CEP250: variants seen among roughly 807,000 people sequenced by gnomAD.
CEP250 encodes the protein centrosomal protein 250.
Under a neutral mutation model 315.7 loss-of-function variants are expected in CEP250, and 242 were observed. That is an observed-to-expected ratio of 0.77 (90% CI 0.69 to 0.85). CEP250 has a LOEUF of 0.85. CEP250 is among the 40% of genes least tolerant of loss of function. The pLI, the probability that CEP250 is intolerant of heterozygous loss-of-function variation, is 0.00. For missense variants in CEP250, 2,515 were observed against 2,886.4 expected, an observed-to-expected ratio of 0.87 and a Z score of 2.95; for synonymous variants, 1,088 against 1,175.0, an observed-to-expected ratio of 0.93 and a Z score of 1.51.
rs747589645 is a variant in CEP250 at position 35,511,489 on chromosome 20, G to A, written c.7192G>A (p.Val2398Met). Residue 2398 changes from valine to methionine, a missense_variant, in exon 35 of 35, where the codon GTG becomes ATG. Coordinates refer to ENST00000397527, the MANE Select transcript of CEP250 (RefSeq NM_007186.6). ...HHSLSHSLLAVAQAPEATVLE... is the reference protein window; with the variant it reads ...HHSLSHSLLAMAQAPEATVLE... ...CAGCCTCTCACACTCACTTCTTGCC[G>A]TGGCCCAGGCCCCTGAGGCCACTGT... 13 of 1,614,134 alleles carry A rather than the reference G, an allele frequency of 8.1e-6. No homozygotes were observed. The highest frequency in any genetic ancestry group is 6.7e-5 in the Admixed American group (4 of 60,024).
In CEP250 at chr20:35,518,141, T is replaced by C. The variant is rs1026332386; in HGVS notation, c.*6515T>C. 2.0e-5 allele frequency: 3 copies of C among 151,752 alleles called. No homozygotes were observed. Among genetic ancestry groups the C allele is most frequent in the African/African-American group, 4.8e-5 (2 of 41,386 alleles). The allele number at this position is 151,752 out of a possible 1,614,324, so 9.4% of individuals were successfully genotyped here. A position where few individuals can be genotyped will look rare whatever the true frequency, so the allele number is the denominator to read the frequency against. ...CTTCAGAGGCAGCGGGTTTTGTTTT[T>C]TTTTTAACTATGTTTTTCTACTGGC... is the stretch of plus-strand genomic sequence containing the variant. On this transcript the variant is annotated 3_prime_UTR_variant, in exon 35 of 35. Transcript: ENST00000397527.
chr20:35,475,535 G>A lies in CEP250; in HGVS notation c.1605G>A (p.Gln535=), dbSNP rs772767083. ...TGCTGATGGGCCTGGAAGCCAAACA[G>A]TCAGAATCACTCAGTGAACTGATCA... ...QEMLMGLEAK[Q]SESLSELITL... is the part of the protein sequence containing the mutation. The change falls in exon 15 of 35, where the codon CAG becomes CAA. Residue 535 remains glutamine (Q), a synonymous_variant. Coordinates refer to ENST00000397527, the MANE Select transcript of CEP250 (RefSeq NM_007186.6). 2 of 1,614,112 alleles carry A rather than the reference G, an allele frequency of 1.2e-6. No individual in the cohort carries two copies. The highest frequency in any genetic ancestry group is 8.5e-7 in the Non-Finnish European group (1 of 1,179,974).
In CEP250 at chr20:35,514,130, G is replaced by GGAAT. The variant is rs1485531217; in HGVS notation, c.*2505_*2508dup. The GGAAT allele has an allele frequency of 1.3e-5, 2 of 152,310 alleles. No homozygotes were observed. The highest frequency in any genetic ancestry group is 4.8e-5 in the African/African-American group (2 of 41,472). 9.4% of individuals were successfully genotyped at this position (152,310 alleles called of 1,614,324 possible). A position where few individuals can be genotyped will look rare whatever the true frequency, so the allele number is the denominator to read the frequency against. ...CCTGAAGTGGGGAAGTGTGAAGGAA[G>GGAAT]GAATATGTGTCATCCAGGGGGGACC... On this transcript the variant is annotated 3_prime_UTR_variant, in exon 35 of 35. Transcript: ENST00000397527.
At position 35,497,918 on chromosome 20, in the gene CEP250, A is replaced by C. The variant is rs746143928; in HGVS notation, c.3506A>C (p.Glu1169Ala). 7 of 1,610,740 alleles carry C rather than the reference A, an allele frequency of 4.3e-6. No homozygotes were observed. The highest frequency in any genetic ancestry group is 5.9e-6 in the Non-Finnish European group (7 of 1,178,736). The part of the protein sequence containing the change: ...TESQLEALAA[E>A]QQPGNQAQAQ... ...AGCCAGCTAGAAGCGCTGGCCGCAGAGCAGCAGCCCGGGAACCAGGCCCAG... is the reference window on the plus strand; with the variant it reads ...AGCCAGCTAGAAGCGCTGGCCGCAGCGCAGCAGCCCGGGAACCAGGCCCAG... The change falls in exon 26 of 35, where the codon GAG becomes GCG. Residue 1169 changes from glutamate (E) to alanine (A), a missense_variant. Glu to Ala is a moderately radical substitution (Grantham distance 107). Transcript: ENST00000397527.
Position 35,475,741 on chromosome 20 carries a change from C to G in CEP250, c.1716+95C>G, listed in dbSNP as rs1344675543. 4.6e-6 allele frequency: 6 copies of G among 1,309,042 alleles called. No homozygotes were observed. In the Admixed American group the frequency reaches 1.2e-4, roughly 26 times the overall value. 81.1% of individuals were successfully genotyped at this position (1,309,042 alleles called of 1,614,324 possible). On this transcript the variant is annotated intron_variant, in intron 15 of 34. Coordinates refer to ENST00000397527, the MANE Select transcript of CEP250 (RefSeq NM_007186.6). ...ATTCTTCACCTTCAAGCCAGGATCC[C>G]TCATCTTTCCTCAATCATTAGTCTG...
In CEP250 at chr20:35,455,621, G is replaced by A. The variant is rs1230024629; in HGVS notation, c.-428G>A. The A allele has an allele frequency of 6.6e-6, 1 of 152,120 alleles. No homozygotes were observed. The highest frequency in any genetic ancestry group is 1.5e-5 in the Non-Finnish European group (1 of 68,080). 9.4% of individuals were successfully genotyped at this position (152,120 alleles called of 1,614,324 possible). A position where few individuals can be genotyped will look rare whatever the true frequency, so the allele number is the denominator to read the frequency against. On this transcript the variant is annotated 5_prime_UTR_variant, in exon 1 of 35. Transcript: ENST00000397527. The stretch of plus-strand genomic sequence containing the variant: ...CCAGTCCCACCCGCCACCCGACTCT[G>A]GAGCTCCCATTCTTCAGGACCCTGC...
At chr20:35,479,095 C>T (rs568909209) in intron 17 of CEP250, 136 bp from the exon 18 acceptor site, 547 of 765,756 alleles carry the variant, frequency 7.1e-4, no homozygotes, top group Non-Finnish European at 1.0e-3. Flanking sequence ...ATAAATGCCA[C>T]GTGCTATTGG....
rs1452010004 is a variant in CEP250 at position 35,516,116 on chromosome 20, G to C, written c.*4490G>C. ...GGATGGGCTTGGAGGTAAAATAATT[G>C]AATGGGTCAGGGGTAGGAGGAGAGA... On this transcript the variant is annotated 3_prime_UTR_variant, in exon 35 of 35. Coordinates refer to ENST00000397527, the MANE Select transcript of CEP250 (RefSeq NM_007186.6). 6.6e-6 allele frequency: 1 copy of C among 152,324 alleles called. No individual in the cohort carries two copies. The highest frequency in any genetic ancestry group is 1.9e-4 in the East Asian group (1 of 5,194). The allele number at this position is 152,324 out of a possible 1,614,324, so 9.4% of individuals were successfully genotyped here.
intron 20 of CEP250, among the ~76,000 whole-genome samples, chr20:35,485,954 C>T (rs916107925): frequency 1.1e-4 from 17 of 150,950 alleles, no homozygotes; most frequent in African/African-American, 3.6e-4. Flanking sequence ...TGAGCCACCA[C>T]GCCCAGCCAC....
chr20:35,510,247 C>A (rs2064316379), intron 34 of CEP250, among the ~76,000 whole-genome samples, 193 bp downstream of exon 34: 1 of 152,170 alleles, frequency 6.6e-6, no homozygotes, highest in South Asian at 2.1e-4. Flanking sequence ...ATCCTGGCCC[C>A]CGACTTCCAA....
rs543940035 is a variant in CEP250, at chr20:35,516,745, G to C, written c.*5119G>C. ...AGAAGAGACCCACTGGCTGCTCTCA[G>C]TGAGGCCAGGGAGAGTCAAACAGAG... On this transcript the variant is annotated 3_prime_UTR_variant, in exon 35 of 35. Coordinates refer to ENST00000397527, the MANE Select transcript of CEP250 (RefSeq NM_007186.6). 1 of 152,560 alleles carries C rather than the reference G, an allele frequency of 6.6e-6. No individual in the cohort carries two copies. Among genetic ancestry groups the C allele is most frequent in the African/African-American group, 2.4e-5 (1 of 41,470 alleles). The allele number at this position is 152,560 out of a possible 1,614,324, so 9.5% of individuals were successfully genotyped here.
intron 30 of CEP250, among the ~76,000 whole-genome samples, chr20:35,507,302 C>T (rs1035464664): frequency 2.0e-5 from 3 of 152,170 alleles, no homozygotes; most frequent in Non-Finnish European, 2.9e-5. Context: ...TGCATGTAGT[C>T]GTTTTATAAA....
rs951044814 is a variant in CEP250 at position 35,473,977 on chromosome 20, A to T, written c.1496A>T (p.Gln499Leu). Residue 499 changes from glutamine to leucine, a missense_variant, in exon 14 of 35, where the codon CAG (glutamine) becomes CTG (leucine). By Grantham distance (113) the Gln-to-Leu change is moderately radical. Transcript: ENST00000397527. ...AGGGTAAATGTGGAGCTTCAGCTGCAGGGGGACTCTGCCCAGGGCCAGAAG... is the reference window on the plus strand; with the variant it reads ...AGGGTAAATGTGGAGCTTCAGCTGCTGGGGGACTCTGCCCAGGGCCAGAAG... The part of the protein sequence containing the change: ...LRRVNVELQL[Q>L]GDSAQGQKEE... 6.2e-6 allele frequency: 10 copies of T among 1,609,164 alleles called. No homozygotes were observed. Among genetic ancestry groups the T allele is most frequent in the Non-Finnish European group, 8.5e-6 (10 of 1,178,652 alleles).
chr20:35,467,245 T>A (rs2062905877), intron 8 of CEP250, 59 bp from the exon 9 acceptor site: 1 of 1,573,030 alleles, frequency 6.4e-7, no homozygotes, highest in Non-Finnish European at 8.7e-7. Flanking sequence ...CTGGGCCTGA[T>A]CACCACACTC....
At chr20:35,467,623 C>T in intron 9 of CEP250, 68 bp downstream of exon 9, 2 of 1,525,152 alleles carry the variant, frequency 1.3e-6, no homozygotes, top group Non-Finnish European at 1.8e-6. Context: ...GGGTTAGGGA[C>T]AGGCAGGGGG....
At chr20:35,470,461 T>A (rs1279245184) in intron 10 of CEP250, among the ~76,000 whole-genome samples, 1 of 152,076 alleles carries the variant, frequency 6.6e-6, no homozygotes, top group Non-Finnish European at 1.5e-5. Context: ...AAAGAGAGTT[T>A]ATGAAGGGCC....
chr20:35,496,352 C>G (rs1011382199), intron 24 of CEP250, among the ~76,000 whole-genome samples: 2 of 151,504 alleles, frequency 1.3e-5, no homozygotes, highest in Non-Finnish European at 2.9e-5. Flanking sequence ...AAAAAAAACA[C>G]AAAAAAACCT....
At chr20:35,509,571 C>G (rs1338625342) in intron 33 of CEP250, among the ~76,000 whole-genome samples, 1 of 152,214 alleles carries the variant, frequency 6.6e-6, no homozygotes, top group Non-Finnish European at 1.5e-5. Flanking sequence ...GGCTTGCAGC[C>G]TGACAGGGAG....
At position 35,517,757 on chromosome 20, in the gene CEP250, A is replaced by C. The variant is rs986405914; in HGVS notation, c.*6131A>C. On this transcript the variant is annotated 3_prime_UTR_variant, in exon 35 of 35. Coordinates refer to ENST00000397527, the MANE Select transcript of CEP250 (RefSeq NM_007186.6). ...ATAAAAGTGAGACCCTGTCTCAAAA[A>C]AAAAAAAAAAATTAAAGAAGTTAAA... is the stretch of plus-strand genomic sequence containing the variant. The C allele has an allele frequency of 5.3e-5, 8 of 151,698 alleles. No homozygotes were observed. The highest frequency in any genetic ancestry group is 1.0e-4 in the Non-Finnish European group (7 of 68,082). 9.4% of individuals were successfully genotyped at this position (151,698 alleles called of 1,614,324 possible).
Sources: allele counts gnomAD v4.1 joint callset (sites outside exome capture counted in the v4.1 genomes callset), GRCh38; gene constraint gnomAD v4.1.1; transcripts MANE v1.5; gene names NCBI Gene and HGNC (gene_info 2026-07-23, HGNC 2026-07-21).